MYRIP: variants seen among roughly 807,000 people sequenced by gnomAD.
The protein encoded by MYRIP is myosin VIIA and Rab interacting protein.
A neutral mutation model predicts 98.0 loss-of-function variants in MYRIP; 49 were observed. The observed-to-expected ratio is 0.50, with a 90% CI of 0.40 to 0.63. MYRIP has a LOEUF of 0.63. Among genes scored for constraint, MYRIP ranks in the 30% least tolerant of loss-of-function variants. The pLI is 0.00. For missense variants in MYRIP, 1,004 were observed against 1,058.2 expected, an observed-to-expected ratio of 0.95 and a Z score of 0.71; for synonymous variants, 404 against 409.5, an observed-to-expected ratio of 0.99 and a Z score of 0.16.
chr3:40,041,478 C>A (rs946459930), intron 2 of MYRIP, among the ~76,000 whole-genome samples: 3 of 150,828 alleles, frequency 2.0e-5, no homozygotes, highest in African/African-American at 7.3e-5. Flanking sequence ...GAATGTAAAA[C>A]CCTCACCTAG....
intron 2 of MYRIP, among the ~76,000 whole-genome samples, chr3:39,995,293 AAATTAGATGAATGGCT>A (rs1016919793): frequency 3.3e-5 from 5 of 152,224 alleles, no homozygotes; most frequent in Non-Finnish European, 5.9e-5. Context: ...CCTTGAAAAA[AAATTAGATGAATGGCT>A]AACTAGAATA....
chr3:40,041,379 C>T (rs550583153), intron 2 of MYRIP, among the ~76,000 whole-genome samples: 2,375 of 142,896 alleles, frequency 0.017, 58 homozygotes, highest in African/African-American at 0.057. Context: ...AAGCGGTGAA[C>T]AGAGTTAACA....
At chr3:39,976,039 A>G (rs1945741887) in intron 2 of MYRIP, among the ~76,000 whole-genome samples, 1 of 152,230 alleles carries the variant, frequency 6.6e-6, no homozygotes. Context: ...AAAAGCCAAA[A>G]TTGACAAATG....
chr3:39,924,765 T>A (rs2125694112), intron 2 of MYRIP, among the ~76,000 whole-genome samples: 1 of 152,180 alleles, frequency 6.6e-6, no homozygotes. Flanking sequence ...TAATAGAGCG[T>A]GTTCTCTACA....
At chr3:39,955,695 A>C (rs1022613299) in intron 2 of MYRIP, among the ~76,000 whole-genome samples, 1 of 152,200 alleles carries the variant, frequency 6.6e-6, no homozygotes, top group Non-Finnish European at 1.5e-5. Context: ...CTTAAATGTA[A>C]ATGGGCTAAA....
chr3:40,212,804 T>G (rs1952001986), intron 11 of MYRIP, among the ~76,000 whole-genome samples: 1 of 151,980 alleles, frequency 6.6e-6, no homozygotes, highest in Non-Finnish European at 1.5e-5. Context: ...TTAATGTCTG[T>G]GGTCCCAGTT....
At chr3:39,859,973 C>T (rs1285734653) in intron 1 of MYRIP, among the ~76,000 whole-genome samples, 2 of 152,192 alleles carry the variant, frequency 1.3e-5, no homozygotes, top group Non-Finnish European at 2.9e-5. Context: ...TGCCCACTCT[C>T]ACTGCTTCTA....
intron 1 of MYRIP, among the ~76,000 whole-genome samples, chr3:39,827,095 CATTTTAA>C (rs940267312): frequency 4.6e-5 from 7 of 152,080 alleles, no homozygotes; most frequent in East Asian, 3.9e-4. Flanking sequence ...TAGGGTTTTG[CATTTTAA>C]TTTTTAATTT....
intron 1 of MYRIP, among the ~76,000 whole-genome samples, chr3:39,813,945 A>G (rs981372621): frequency 1.3e-5 from 2 of 152,214 alleles, no homozygotes; most frequent in African/African-American, 4.8e-5. Flanking sequence ...TGTTGATAAC[A>G]TATATTGATC....
rs1559394039 is a variant in MYRIP at position 40,084,711 on chromosome 3, TGTA to T, written c.332+40441_332+40443del. Among the ~76,000 whole-genome samples, 2 of 148,342 alleles carry T rather than the reference TGTA, an allele frequency of 1.3e-5. 1 individual carries two copies. Among genetic ancestry groups the T allele is most frequent in the African/African-American group, 4.9e-5 (2 of 40,690 alleles). ...ATGTATTACATATCGATAGATAATA[TGTA>T]TCTATGTATTACATGTCGATAGATA... On this transcript the variant is annotated intron_variant, in intron 3 of 16. Coordinates refer to ENST00000302541, the MANE Select transcript of MYRIP (RefSeq NM_015460.4).
At chr3:40,188,078 A>T (rs1386162070) in intron 9 of MYRIP, among the ~76,000 whole-genome samples, 1 of 152,110 alleles carries the variant, frequency 6.6e-6, no homozygotes, top group Non-Finnish European at 1.5e-5. Context: ...CTCAAAATAA[A>T]AATAACTCGA....
At chr3:40,004,652 C>T (rs1472608487) in intron 2 of MYRIP, among the ~76,000 whole-genome samples, 1 of 152,068 alleles carries the variant, frequency 6.6e-6, no homozygotes, top group Non-Finnish European at 1.5e-5. Flanking sequence ...CCTTCTGAGT[C>T]CCCAAAGTCC....
intron 1 of MYRIP, among the ~76,000 whole-genome samples, chr3:39,847,403 T>G (rs2125601669): frequency 6.6e-6 from 1 of 152,272 alleles, no homozygotes; most frequent in East Asian, 1.9e-4. Context: ...AAGGTATTTG[T>G]TTTCTTCTCT....
At chr3:40,232,951 T>C (rs1952704435) in intron 11 of MYRIP, 1 of 152,204 alleles carries the variant, frequency 6.6e-6, no homozygotes, top group Admixed American at 6.5e-5. Context: ...CTCCCAGTGG[T>C]TCACCCAATC....
Position 40,170,146 on chromosome 3 carries a change from C to T in MYRIP, c.873+53C>T, listed in dbSNP as rs1950583554. ...CCTCCACACGTGCAGGTCTGGGGCA[C>T]ACATTTAACCCTCTGTAGTTGAATC... On this transcript the variant is annotated intron_variant, in intron 8 of 16. Coordinates refer to ENST00000302541, the MANE Select transcript of MYRIP (RefSeq NM_015460.4). 4 of 1,599,408 alleles carry T rather than the reference C, an allele frequency of 2.5e-6. No homozygotes were observed. The South Asian group carries it at 4.5e-5, about 18-fold the overall frequency.
intron 3 of MYRIP, among the ~76,000 whole-genome samples, chr3:40,093,513 C>G (rs1013346248): frequency 4.6e-5 from 7 of 152,176 alleles, no homozygotes; most frequent in African/African-American, 1.7e-4. Flanking sequence ...TCAGTTCCAA[C>G]TATGCAGACC....
intron 2 of MYRIP, among the ~76,000 whole-genome samples, chr3:39,987,010 T>C (rs888479484): frequency 6.6e-6 from 1 of 152,164 alleles, no homozygotes; most frequent in Admixed American, 6.5e-5. Flanking sequence ...ATTATTATTT[T>C]TTAAGTTCCG....
At chr3:39,940,852 T>C (rs909966333) in intron 2 of MYRIP, among the ~76,000 whole-genome samples, 2 of 152,138 alleles carry the variant, frequency 1.3e-5, no homozygotes, top group Non-Finnish European at 2.9e-5. Context: ...GACATAGAAG[T>C]TTAAAGAAAA....
chr3:39,900,343 GTAT>G (rs1414540030), intron 1 of MYRIP, among the ~76,000 whole-genome samples: 2 of 140,590 alleles, frequency 1.4e-5, no homozygotes, highest in African/African-American at 3.0e-5. Context: ...TTTTTTTAAA[GTAT>G]TATAATTTTT....
Sources: gnomAD v4.1 joint callset for allele counts (sites outside exome capture counted in the v4.1 genomes callset) on GRCh38, gnomAD v4.1.1 for gene constraint, MANE v1.5 for transcripts, NCBI Gene and HGNC (gene_info 2026-07-23, HGNC 2026-07-21) for gene names.